Variants in IQCM observed in about 807,000 individuals in gnomAD.
The protein encoded by IQCM is IQ domain-containing protein M.
IQCM carries 45 observed loss-of-function variants against 57.6 expected under a neutral mutation model. The ratio of observed to expected loss-of-function variants is 0.78; its 90% CI spans 0.62 to 1.00. The LOEUF (loss-of-function observed/expected upper bound fraction) is 1.00, where lower values mean the gene tolerates loss of function less well. Among genes scored for constraint, IQCM ranks in the 50% least tolerant of loss-of-function variants. IQCM has a pLI of 0.00. For missense variants in IQCM, 468 were observed against 511.6 expected (o/e 0.91, Z 0.82); for synonymous variants, 148 against 158.9 (o/e 0.93, Z 0.51).
At chr4:149,570,385 G>T (rs1352082776) in intron 9 of IQCM, among the ~76,000 whole-genome samples, 1 of 151,952 alleles carries the variant, frequency 6.6e-6, no homozygotes, top group Admixed American at 6.6e-5. Flanking sequence ...ATGCCCACTA[G>T]GTCCTCCTAA....
At chr4:149,717,697 G>A (rs1765116066) in intron 5 of IQCM, among the ~76,000 whole-genome samples, 1 of 152,138 alleles carries the variant, frequency 6.6e-6, no homozygotes, top group Admixed American at 6.5e-5. Flanking sequence ...GGGTGAGGTT[G>A]ACCAACTTAC....
chr4:149,594,434 G>A (rs1193166523), intron 8 of IQCM, among the ~76,000 whole-genome samples: 3 of 152,016 alleles, frequency 2.0e-5, no homozygotes, highest in Admixed American at 6.6e-5. Flanking sequence ...TTTTTTGAAG[G>A]GCTTTTGTGT....
At chr4:149,445,329 A>G (rs1736390701) in intron 12 of IQCM, among the ~76,000 whole-genome samples, 1 of 151,888 alleles carries the variant, frequency 6.6e-6, no homozygotes, top group Non-Finnish European at 1.5e-5. Context: ...CCACATTTAG[A>G]TATAAATATT....
Position 149,651,901 on chromosome 4 carries a change from C to T in IQCM, c.565+30217G>A, listed in dbSNP as rs575198279. The stretch of plus-strand genomic sequence containing the variant: ...TATGGAAGACAGTGTGGCGATTTCT[C>T]GAGGATTTAGAAAAAGAAATACCAT... On this transcript the variant is annotated intron_variant, in intron 7 of 13. Coordinates refer to ENST00000636793, the MANE Select transcript of IQCM (RefSeq NM_001363507.2). Among the ~76,000 whole-genome samples the T allele has an allele frequency of 2.6e-3, 395 of 152,094 alleles. 3 individuals carry two copies. Among genetic ancestry groups the T allele is most frequent in the Non-Finnish European group, 4.0e-3 (274 of 67,976 alleles).
At chr4:149,511,246 C>T (rs1230318898) in intron 12 of IQCM, among the ~76,000 whole-genome samples, 1 of 151,958 alleles carries the variant, frequency 6.6e-6, no homozygotes, top group African/African-American at 2.4e-5. Flanking sequence ...TGGCTGGGCA[C>T]GTTAGCTCAT....
chr4:149,533,023 C>T (rs929210458), intron 12 of IQCM, among the ~76,000 whole-genome samples: 1 of 152,064 alleles, frequency 6.6e-6, no homozygotes, highest in East Asian at 1.9e-4. Context: ...GAAGCTGAGA[C>T]ATGAGTCAAA....
At chr4:149,411,692 A>G (rs1733390972) in intron 13 of IQCM, among the ~76,000 whole-genome samples, 1 of 152,186 alleles carries the variant, frequency 6.6e-6, no homozygotes, top group Non-Finnish European at 1.5e-5. Context: ...AAGTACTTAC[A>G]TTTACTAGGA....
intron 13 of IQCM, among the ~76,000 whole-genome samples, chr4:149,387,006 G>T (rs1422359038): frequency 6.6e-6 from 1 of 151,982 alleles, no homozygotes; most frequent in Non-Finnish European, 1.5e-5. Flanking sequence ...ACCCCTTATT[G>T]ATGCTAAAAT....
Position 149,471,177 on chromosome 4 carries a change from G to A in IQCM, c.1229-37620C>T, listed in dbSNP as rs187140579. Among the ~76,000 whole-genome samples the A allele has an allele frequency of 3.3e-5, 5 of 152,248 alleles. No homozygotes were observed. The East Asian group carries it at 9.7e-4, about 29-fold the overall frequency. ...ACCCTTCAAAAAATCAATGAATCCA[G>A]GAGCTGGTTTTTTGAAAAGATCAAC... On this transcript the variant is annotated intron_variant, in intron 12 of 13. Transcript: ENST00000636793.
intron 2 of IQCM, among the ~76,000 whole-genome samples, chr4:149,804,622 A>G (rs1054270125): frequency 6.6e-6 from 1 of 152,166 alleles, no homozygotes; most frequent in East Asian, 1.9e-4. Context: ...AGTTTTGCCT[A>G]TTTAATTTTT....
chr4:149,373,702 A>G (rs2110993847), intron 13 of IQCM, among the ~76,000 whole-genome samples: 1 of 152,228 alleles, frequency 6.6e-6, no homozygotes, highest in Admixed American at 6.5e-5. Context: ...AAATGGTTAT[A>G]CGAGCATTTA....
chr4:149,613,759 C>A (rs1284582062), intron 8 of IQCM, among the ~76,000 whole-genome samples: 1 of 152,016 alleles, frequency 6.6e-6, no homozygotes, highest in African/African-American at 2.4e-5. Context: ...GTGATGTTTC[C>A]CTTCCCGTGT....
At chr4:149,747,987 C>G (rs1768088587) in intron 2 of IQCM, among the ~76,000 whole-genome samples, 1 of 152,202 alleles carries the variant, frequency 6.6e-6, no homozygotes, top group South Asian at 2.1e-4. Flanking sequence ...CCAAAGTGAT[C>G]TGAAGCAAAC....
chr4:149,750,434 G>A (rs938524858), intron 2 of IQCM, among the ~76,000 whole-genome samples: 4 of 152,128 alleles, frequency 2.6e-5, no homozygotes, highest in African/African-American at 2.4e-5. Context: ...TTTATTTCTG[G>A]GGGATTTCAG....
In IQCM at chr4:149,541,952, T is replaced by G. The variant is rs535681013; in HGVS notation, c.1228+6503A>C. On this transcript the variant is annotated intron_variant, in intron 12 of 13. Coordinates refer to ENST00000636793, the MANE Select transcript of IQCM (RefSeq NM_001363507.2). Reference sequence around the variant, plus strand: ...TTATACACAATCAAAGAAGTCAGTATGAATGAAGATGATAGACAATCTAAA... The same window carrying G: ...TTATACACAATCAAAGAAGTCAGTAGGAATGAAGATGATAGACAATCTAAA... 6.6e-5 allele frequency among the ~76,000 whole-genome samples: 10 copies of G among 152,224 alleles called. No homozygotes were observed. The East Asian group carries it at 1.7e-3, about 26-fold the overall frequency.
At chr4:149,419,825 G>A (rs1349707097) in intron 13 of IQCM, among the ~76,000 whole-genome samples, 1 of 151,948 alleles carries the variant, frequency 6.6e-6, no homozygotes, top group Non-Finnish European at 1.5e-5. Context: ...TTAAAAAGTG[G>A]GCAAAGGATG....
At chr4:149,584,574 A>G (rs1236909711) in intron 9 of IQCM, among the ~76,000 whole-genome samples, 2 of 151,740 alleles carry the variant, frequency 1.3e-5, no homozygotes, top group Admixed American at 6.6e-5. Flanking sequence ...CAGTAAATTC[A>G]TTCTAAATGT....
At chr4:149,481,706 T>TTTTTTTTGTTTTTTTTTTTG (rs1380124637) in intron 12 of IQCM, among the ~76,000 whole-genome samples, 9 of 133,388 alleles carry the variant, frequency 6.7e-5, no homozygotes, top group African/African-American at 2.5e-4. Context: ...GTTTTGTTTT[T>TTTTTTTTGTTTTTTTTTTTG]TTTTTTTTTT....
chr4:149,571,706 G>A (rs570659404), intron 9 of IQCM, among the ~76,000 whole-genome samples: 2 of 151,880 alleles, frequency 1.3e-5, no homozygotes, highest in African/African-American at 4.8e-5. Context: ...TAGTCATTCC[G>A]CAACATATAT....
Sources: gnomAD v4.1 joint callset for allele counts (sites outside exome capture counted in the v4.1 genomes callset) on GRCh38, gnomAD v4.1.1 for gene constraint, MANE v1.5 for transcripts, NCBI Gene and HGNC (gene_info 2026-07-23, HGNC 2026-07-21) for gene names.